USP33: variants seen among roughly 807,000 people sequenced by gnomAD.
USP33 encodes ubiquitin specific peptidase 33.
In USP33, 46 loss-of-function variants were observed where a neutral mutation model predicts 124.2. That is an observed-to-expected ratio of 0.37 (90% CI 0.29 to 0.47). The LOEUF (loss-of-function observed/expected upper bound fraction) is 0.47. Ranked by LOEUF, USP33 falls within the 20% of genes least tolerant of loss-of-function variation. The pLI is 0.99. For missense variants in USP33, 851 were observed against 1,070.6 expected, an observed-to-expected ratio of 0.79 and a Z score of 2.86; for synonymous variants, 350 against 352.3, an observed-to-expected ratio of 0.99 and a Z score of 0.07.
intron 9 of USP33, 81 bp downstream of exon 9, chr1:77,729,779 A>G: frequency 3.0e-6 from 4 of 1,347,110 alleles, no homozygotes; most frequent in South Asian, 1.2e-5. Context: ...ACCCCAAAAG[A>G]TAAGTAGACC....
chr1:77,714,589 C>T (rs771034265), intron 19 of USP33, 25 bp downstream of exon 19: 101 of 1,587,516 alleles, frequency 6.4e-5, no homozygotes, highest in Non-Finnish European at 8.3e-5. Context: ...CTTCTACTAC[C>T]GGTTTGCATT....
Position 77,712,004 on chromosome 1 carries a change from A to G in USP33, c.2298-149T>C. On this transcript the variant is annotated intron_variant, in intron 20 of 23. Coordinates refer to ENST00000370794, the MANE Select transcript of USP33 (RefSeq NM_201624.3). ...AAAAATCATATAAGGACTTGTTATTATGTTTATTAAGGTCAGTGACTTTAT... is the reference window on the plus strand; with the variant it reads ...AAAAATCATATAAGGACTTGTTATTGTGTTTATTAAGGTCAGTGACTTTAT... The G allele has an allele frequency of 4.0e-6, 3 of 751,580 alleles. No homozygotes were observed. In the East Asian group the frequency reaches 9.0e-5, roughly 22 times the overall value. 46.6% of individuals were successfully genotyped at this position (751,580 alleles called of 1,614,324 possible). A position where few individuals can be genotyped will look rare whatever the true frequency, so the allele number is the denominator to read the frequency against.
chr1:77,740,745 A>G, intron 4 of USP33, 132 bp downstream of exon 4: 3 of 673,786 alleles, frequency 4.5e-6, no homozygotes. Flanking sequence ...TCCTTCACAG[A>G]GAATGTAAGT....
At chr1:77,720,471 T>C (rs1184382893) in intron 15 of USP33, 1 of 985,452 alleles carries the variant, frequency 1.0e-6, no homozygotes, top group African/African-American at 1.7e-5. Flanking sequence ...AACCAAATAG[T>C]ATACCATTCC....
At chr1:77,719,052 C>A (rs928811215) in intron 15 of USP33, among the ~76,000 whole-genome samples, 5 of 152,120 alleles carry the variant, frequency 3.3e-5, no homozygotes, top group Non-Finnish European at 7.4e-5. Context: ...ACACTGGAGT[C>A]CCTTATTGTA....
At chr1:77,734,233 A>T in intron 7 of USP33, 114 bp downstream of exon 7, 1 of 789,012 alleles carries the variant, frequency 1.3e-6, no homozygotes, top group South Asian at 1.7e-5. Flanking sequence ...GTCCCAAACC[A>T]GATTCTTGCC....
intron 5 of USP33, among the ~76,000 whole-genome samples, chr1:77,737,053 C>T (rs1228536416): frequency 4.7e-5 from 7 of 148,378 alleles, no homozygotes; most frequent in Non-Finnish European, 1.0e-4. Context: ...AAAAAAAAAA[C>T]GAAAAAAACT....
At chr1:77,747,203 T>C (rs1306620742) in intron 1 of USP33, among the ~76,000 whole-genome samples, 6 of 125,706 alleles carry the variant, frequency 4.8e-5, no homozygotes, top group African/African-American at 2.2e-4. Flanking sequence ...CATTTGATCA[T>C]ATATAGTACA....
At chr1:77,722,368 A>C in intron 12 of USP33, 172 bp from the exon 13 acceptor site, 1 of 620,466 alleles carries the variant, frequency 1.6e-6, no homozygotes, top group Non-Finnish European at 2.7e-6. Flanking sequence ...CAAAAAAAAA[A>C]ACAAAAACAA....
At chr1:77,720,435 T>C (rs1167087123) in intron 15 of USP33, 3 of 985,310 alleles carry the variant, frequency 3.0e-6, no homozygotes, top group Non-Finnish European at 3.6e-6. Context: ...TCTCCAAAAG[T>C]AGAAGTCAGC....
intron 1 of USP33, among the ~76,000 whole-genome samples, chr1:77,747,739 C>T (rs988073329): frequency 9.2e-5 from 14 of 152,122 alleles, no homozygotes; most frequent in African/African-American, 3.4e-4. Flanking sequence ...ATAACTAAAC[C>T]TGGAGAATAA....
intron 5 of USP33, among the ~76,000 whole-genome samples, chr1:77,737,324 G>A (rs1203903834): frequency 2.0e-5 from 3 of 152,164 alleles, no homozygotes; most frequent in Non-Finnish European, 4.4e-5. Flanking sequence ...CTGGACATTT[G>A]AGTGGACTTC....
chr1:77,730,794 A>G (rs1677716552), intron 7 of USP33, 63 bp from the exon 8 acceptor site: 2 of 1,124,710 alleles, frequency 1.8e-6, no homozygotes, highest in Non-Finnish European at 1.2e-6. Flanking sequence ...ATTTCTAGTC[A>G]TTCAATTAAC....
chr1:77,740,935 C>A lies in USP33; in HGVS notation c.140G>T (p.Arg47Ile). The change falls in exon 4 of 24, where the codon AGA becomes ATA. Residue 47 changes from arginine (R) to isoleucine (I), a missense_variant. By Grantham distance (97) the Arg-to-Ile change is moderately conservative. This residue lies in a region of USP33 where 221 missense variants were observed against 302.9 expected (regional missense o/e 0.73). Transcript: ENST00000370794. Reference sequence around the variant, plus strand: ...TTCACCACAGCCAACATATGAACATCTATTCTATAAATAATTATATAGGAA... The same window carrying A: ...TTCACCACAGCCAACATATGAACATATATTCTATAAATAATTATATAGGAA... ...GPNLWACLENRCSYVGCGESQ... is the reference protein window; with the variant it reads ...GPNLWACLENICSYVGCGESQ... 6.5e-7 allele frequency: 1 copy of A among 1,548,716 alleles called. No homozygotes were observed. The highest frequency in any genetic ancestry group is 8.8e-7 in the Non-Finnish European group (1 of 1,142,390).
At chr1:77,732,843 G>C (rs12030159) in intron 7 of USP33, among the ~76,000 whole-genome samples, 1 of 138,318 alleles carries the variant, frequency 7.2e-6, no homozygotes, top group Non-Finnish European at 1.5e-5. Flanking sequence ...ACCTGGGCTA[G>C]AGTGCAATGG....
At chr1:77,707,625 A>AT (rs1331771401) in intron 21 of USP33, among the ~76,000 whole-genome samples, 6 of 152,186 alleles carry the variant, frequency 3.9e-5, no homozygotes, top group Admixed American at 3.9e-4. Context: ...AGAGAGAGAA[A>AT]TTTAATACAG....
At chr1:77,714,519 G>A (rs1675648637) in intron 19 of USP33, 95 bp downstream of exon 19, 1 of 1,283,954 alleles carries the variant, frequency 7.8e-7, no homozygotes, top group Non-Finnish European at 1.1e-6. Flanking sequence ...GGGGAAATGG[G>A]AAATAAGTGG....
intron 1 of USP33, among the ~76,000 whole-genome samples, chr1:77,748,423 C>T (rs1043571043): frequency 5.3e-5 from 8 of 152,040 alleles, no homozygotes; most frequent in Non-Finnish European, 1.2e-4. Context: ...GTAATCCCAG[C>T]AATTTGGGAG....
chr1:77,726,962 G>A (rs1677237259), intron 10 of USP33, among the ~76,000 whole-genome samples: 1 of 152,136 alleles, frequency 6.6e-6, no homozygotes, highest in African/African-American at 2.4e-5. Context: ...GTGAAGAAAA[G>A]AGAATTGTTC....
Sources: gnomAD v4.1 joint callset for allele counts (sites outside exome capture counted in the v4.1 genomes callset) on GRCh38, gnomAD v4.1.1 for gene constraint, gnomAD v4.1.1 regional missense constraint, MANE v1.5 for transcripts, NCBI Gene and HGNC (gene_info 2026-07-23, HGNC 2026-07-21) for gene names.